SHLD2: variants seen among roughly 807,000 people sequenced by gnomAD.
SHLD2 encodes shieldin complex subunit 2.
Under a neutral mutation model 73.2 loss-of-function variants are expected in SHLD2, and 30 were observed. The observed-to-expected ratio is 0.41, with a 90% CI of 0.31 to 0.56. SHLD2 has a LOEUF of 0.56. Among genes scored for constraint, SHLD2 ranks in the 20% least tolerant of loss-of-function variants. The pLI, the probability that SHLD2 is intolerant of heterozygous loss-of-function variation, is 0.28. For missense variants in SHLD2, 745 were observed against 1,055.9 expected (o/e 0.71, Z 4.08); for synonymous variants, 285 against 370.1 (o/e 0.77, Z 2.64).
chr10:87,110,506 C>T (rs1842854723), intron 2 of SHLD2, among the ~76,000 whole-genome samples: 1 of 150,836 alleles, frequency 6.6e-6, no homozygotes, highest in South Asian at 2.1e-4. Context: ...ACTCAGGAGG[C>T]TGAGGCAGGA....
intron 8 of SHLD2, among the ~76,000 whole-genome samples, chr10:87,186,355 C>G (rs1311729627): frequency 2.0e-5 from 3 of 152,122 alleles, no homozygotes; most frequent in Admixed American, 6.5e-5. Context: ...AAATAGGTAC[C>G]ACATGCCATG....
chr10:87,108,199 G>A (rs372868782), intron 2 of SHLD2, among the ~76,000 whole-genome samples: 5 of 152,056 alleles, frequency 3.3e-5, no homozygotes, highest in Non-Finnish European at 5.9e-5. Context: ...ACAGGCATGC[G>A]TCACCACACC....
chr10:87,113,858 T>C (rs919599252), intron 2 of SHLD2: 1 of 151,980 alleles, frequency 6.6e-6, no homozygotes, highest in Admixed American at 6.6e-5. Context: ...AAACAAAAAC[T>C]GGCTGGGCGT....
intron 4 of SHLD2, among the ~76,000 whole-genome samples, chr10:87,163,296 C>T (rs1846953998): frequency 6.6e-6 from 1 of 151,878 alleles, no homozygotes; most frequent in African/African-American, 2.4e-5. Context: ...AAAGAAAATG[C>T]AGGAAGGATA....
At chr10:87,157,601 A>G (rs1179471575) in intron 3 of SHLD2, among the ~76,000 whole-genome samples, 1 of 152,214 alleles carries the variant, frequency 6.6e-6, no homozygotes, top group African/African-American at 2.4e-5. Context: ...AAAAATAATC[A>G]AGTGTGTTAA....
chr10:87,164,307 C>T (rs1274187948), intron 4 of SHLD2, among the ~76,000 whole-genome samples: 4 of 151,260 alleles, frequency 2.6e-5, no homozygotes, highest in Admixed American at 2.0e-4. Context: ...GTCTAGAGTA[C>T]AGTGGTGTGA....
intron 7 of SHLD2, among the ~76,000 whole-genome samples, chr10:87,179,478 T>C (rs1848167533): frequency 6.6e-6 from 1 of 151,668 alleles, no homozygotes; most frequent in Admixed American, 6.6e-5. Context: ...CTCGGCTCAC[T>C]ATAAGCTCTG....
chr10:87,125,551 A>G (rs1435570272), intron 2 of SHLD2, among the ~76,000 whole-genome samples: 1 of 152,234 alleles, frequency 6.6e-6, no homozygotes, highest in East Asian at 1.9e-4. Context: ...CCTGGCCAAC[A>G]GGGTGAAACC....
At chr10:87,161,434 G>T (rs1207158397) in intron 4 of SHLD2, among the ~76,000 whole-genome samples, 1 of 152,036 alleles carries the variant, frequency 6.6e-6, no homozygotes, top group Non-Finnish European at 1.5e-5. Context: ...AACAGAGCAA[G>T]GCCCTGTCTC....
intron 2 of SHLD2, among the ~76,000 whole-genome samples, chr10:87,125,506 C>T (rs553801589): frequency 3.3e-5 from 5 of 152,272 alleles, no homozygotes; most frequent in South Asian, 2.1e-4. Flanking sequence ...GAGGCCAAGG[C>T]GGCAGATCAC....
At chr10:87,154,917 T>C (rs1412887693) in intron 3 of SHLD2, among the ~76,000 whole-genome samples, 6 of 152,272 alleles carry the variant, frequency 3.9e-5, no homozygotes, top group Admixed American at 6.5e-5. Context: ...TTGGTGTTCC[T>C]GTAGGATTGT....
intron 4 of SHLD2, among the ~76,000 whole-genome samples, chr10:87,164,969 T>A (rs1300014964): frequency 6.6e-6 from 1 of 151,942 alleles, no homozygotes; most frequent in Non-Finnish European, 1.5e-5. Context: ...GGTGGATGGC[T>A]TGAGCCCAGG....
At chr10:87,114,673 C>A (rs188093232) in intron 2 of SHLD2, among the ~76,000 whole-genome samples, 4 of 151,904 alleles carry the variant, frequency 2.6e-5, no homozygotes, top group African/African-American at 9.7e-5. Flanking sequence ...TGCAGTGAGC[C>A]GAGATTGCGC....
intron 2 of SHLD2, among the ~76,000 whole-genome samples, chr10:87,120,278 T>C (rs1843523184): frequency 6.6e-6 from 1 of 151,016 alleles, no homozygotes; most frequent in African/African-American, 2.4e-5. Flanking sequence ...GACAGAGTCT[T>C]GCTCTATCGC....
intron 6 of SHLD2, among the ~76,000 whole-genome samples, chr10:87,172,220 G>A (rs1397546243): frequency 6.6e-6 from 1 of 152,078 alleles, no homozygotes; most frequent in African/African-American, 2.4e-5. Flanking sequence ...CCTCACATCA[G>A]TCTTTTTAAG....
chr10:87,096,726 TATTC>T (rs1841926346), intron 1 of SHLD2, among the ~76,000 whole-genome samples: 1 of 152,236 alleles, frequency 6.6e-6, no homozygotes, highest in South Asian at 2.1e-4. Flanking sequence ...ATGTTCATGT[TATTC>T]ATCTTTTAGA....
intron 2 of SHLD2, among the ~76,000 whole-genome samples, chr10:87,101,611 G>A (rs759357169): frequency 1.3e-5 from 2 of 152,042 alleles, no homozygotes; most frequent in African/African-American, 2.4e-5. Context: ...TGAATATATC[G>A]AATTACAATA....
Position 87,138,024 on chromosome 10 carries a change from G to A in SHLD2, c.-5-13326G>A, listed in dbSNP as rs541143362. Among the ~76,000 whole-genome samples the A allele has an allele frequency of 7.9e-5, 12 of 152,230 alleles. No individual in the cohort carries two copies. The South Asian group carries it at 2.3e-3, about 29-fold the overall frequency. On this transcript the variant is annotated intron_variant, in intron 2 of 9. Transcript: ENST00000298786. ...CATCTCTATTTAAAAAAGAAAAGAA[G>A]TCCAGGCATGGTGGCTCACACCTGT...
At chr10:87,154,896 G>A (rs1846289666) in intron 3 of SHLD2, among the ~76,000 whole-genome samples, 1 of 152,134 alleles carries the variant, frequency 6.6e-6, no homozygotes, top group South Asian at 2.1e-4. Flanking sequence ...GAGAACCTTA[G>A]CTAATGTACC....
Sources: gnomAD v4.1 joint callset for allele counts (sites outside exome capture counted in the v4.1 genomes callset) on GRCh38, gnomAD v4.1.1 for gene constraint, MANE v1.5 for transcripts, NCBI Gene and HGNC (gene_info 2026-07-23, HGNC 2026-07-21) for gene names.